The following OSBPL10 variants were observed in gnomAD, a reference collection of about 807,000 sequenced individuals.
OSBPL10 encodes oxysterol binding protein like 10, also known as oxysterol-binding protein-related protein 10.
Under a neutral mutation model 81.7 loss-of-function variants are expected in OSBPL10, and 49 were observed. The ratio of observed to expected loss-of-function variants is 0.60; its 90% CI spans 0.48 to 0.76. The LOEUF is 0.76. Among genes scored for constraint, OSBPL10 ranks in the 30% least tolerant of loss-of-function variants. The pLI is 0.00. For missense variants in OSBPL10, 923 were observed against 987.8 expected, an observed-to-expected ratio of 0.93 and a Z score of 0.88; for synonymous variants, 419 against 383.6, an observed-to-expected ratio of 1.09 and a Z score of -1.08.
rs10529845 is a variant in OSBPL10, at chr3:31,895,134, C to CTTTTTTT, written c.282-15311_282-15305dup. ...GCTGCATATTAGAATTCTCTGCGGC[C>CTTTTTTT]TTTTTTTTTTTTTTTTTTAGACGGA... On this transcript the variant is annotated intron_variant, in intron 1 of 11. Transcript: ENST00000396556. Among the ~76,000 whole-genome samples the CTTTTTTT allele has an allele frequency of 1.8e-4, 22 of 124,894 alleles. 2 individuals are homozygous for CTTTTTTT. The highest frequency in any genetic ancestry group is 5.7e-4 in the African/African-American group (18 of 31,580). The allele number at this position is 124,894 out of a possible 152,430, so 81.9% of individuals were successfully genotyped here.
intron 6 of OSBPL10, among the ~76,000 whole-genome samples, chr3:31,719,694 G>GA (rs1696573827): frequency 6.6e-6 from 1 of 152,044 alleles, no homozygotes; most frequent in Non-Finnish European, 1.5e-5. Flanking sequence ...TTTGTTAACT[G>GA]AATTTCCCTT....
chr3:32,018,610 G>A (rs972643410), intron 2 of OSBPL10, among the ~76,000 whole-genome samples: 1 of 152,178 alleles, frequency 6.6e-6, no homozygotes, highest in Non-Finnish European at 1.5e-5. Flanking sequence ...GGAGGCTGAG[G>A]TGGGAAGATC....
Position 31,837,649 on chromosome 3 carries a change from CAA to C in OSBPL10, c.538-7420_538-7419del, listed in dbSNP as rs10704809. 7.8e-4 allele frequency among the ~76,000 whole-genome samples: 107 copies of C among 136,442 alleles called. 1 individual carries two copies. The highest frequency in any genetic ancestry group is 2.2e-3 in the African/African-American group (81 of 36,306). The allele number at this position is 136,442 out of a possible 152,430, so 89.5% of individuals were successfully genotyped here. On this transcript the variant is annotated intron_variant, in intron 3 of 11. Transcript: ENST00000396556. ...CACTGTAGATGTGACTGTTTTATTT[CAA>C]AAAAAAAAAAAAATCAATGGGTCTC...
At position 31,687,459 on chromosome 3, in the gene OSBPL10, T is replaced by C. The variant is rs558587961; in HGVS notation, c.1246-3345A>G. ...AGTCAGCATTTCTGAATTCAAAAGC[T>C]GAAGGATTTAAAAAAAAAAATAAGT... On this transcript the variant is annotated intron_variant, in intron 7 of 11. Transcript: ENST00000396556. Among the ~76,000 whole-genome samples the C allele has an allele frequency of 2.0e-5, 3 of 147,720 alleles. No homozygotes were observed. The East Asian group carries it at 5.8e-4, about 29-fold the overall frequency.
At chr3:31,978,448 T>G (rs971468084) in intron 1 of OSBPL10, among the ~76,000 whole-genome samples, 4 of 152,226 alleles carry the variant, frequency 2.6e-5, no homozygotes, top group Non-Finnish European at 5.9e-5. Context: ...TTTCAAAGTT[T>G]CTATTTTTAT....
At chr3:31,948,862 A>C (rs1389834816) in intron 1 of OSBPL10, among the ~76,000 whole-genome samples, 3 of 152,226 alleles carry the variant, frequency 2.0e-5, no homozygotes, top group Non-Finnish European at 4.4e-5. Flanking sequence ...CCCACCATCC[A>C]TGATGGAGTT....
chr3:31,758,051 A>AT (rs1353371047), intron 4 of OSBPL10, among the ~76,000 whole-genome samples: 1 of 152,194 alleles, frequency 6.6e-6, no homozygotes, highest in African/African-American at 2.4e-5. Flanking sequence ...TGGAGAAGGC[A>AT]CAAACTTAAA....
At chr3:31,875,656 C>T (rs1701451994) in intron 3 of OSBPL10, among the ~76,000 whole-genome samples, 1 of 151,634 alleles carries the variant, frequency 6.6e-6, no homozygotes, top group Admixed American at 6.6e-5. Flanking sequence ...ATGGCCCTGA[C>T]CCAGAAAGCA....
chr3:32,071,748 T>C (rs4955134), intron 1 of OSBPL10, among the ~76,000 whole-genome samples: 75,374 of 140,498 alleles, frequency 0.54, 16,117 homozygotes, highest in East Asian at 0.82. Flanking sequence ...CCTTCAGCTG[T>C]ACTCACTCTT....
intron 3 of OSBPL10, among the ~76,000 whole-genome samples, chr3:31,871,539 T>C (rs1000451561): frequency 5.3e-5 from 8 of 152,164 alleles, no homozygotes; most frequent in African/African-American, 1.9e-4. Flanking sequence ...ACACCACTTT[T>C]CCTATCCTAG....
At chr3:31,687,893 AAATAATAATAAT>A (rs34327662) in intron 7 of OSBPL10, among the ~76,000 whole-genome samples, 1,660 of 143,858 alleles carry the variant, frequency 0.012, 38 homozygotes, top group African/African-American at 0.04. Context: ...CCATCACTAC[AAATAATAATAAT>A]AATAATAATA....
chr3:31,924,020 C>T (rs1696993629), intron 1 of OSBPL10, among the ~76,000 whole-genome samples: 1 of 151,932 alleles, frequency 6.6e-6, no homozygotes, highest in African/African-American at 2.4e-5. Context: ...AGTTCAAGAC[C>T]AGCCTGGCCA....
chr3:31,888,436 A>C (rs555160340), intron 1 of OSBPL10, among the ~76,000 whole-genome samples: 1 of 152,358 alleles, frequency 6.6e-6, no homozygotes, highest in African/African-American at 2.4e-5. Context: ...GTGAGACCTC[A>C]AAAGCACAGG....
chr3:32,023,386 C>T (rs536072204), intron 2 of OSBPL10, among the ~76,000 whole-genome samples: 3 of 152,220 alleles, frequency 2.0e-5, no homozygotes, highest in East Asian at 1.9e-4. Context: ...CTTTATCTTC[C>T]GCCACAATTG....
At chr3:31,670,746 C>A in intron 9 of OSBPL10, 51 bp downstream of exon 9, 1 of 1,530,290 alleles carries the variant, frequency 6.5e-7, no homozygotes, top group Non-Finnish European at 8.9e-7. Context: ...TGAAAGGAAA[C>A]TCAGGGCATC....
chr3:31,959,418 C>T (rs556880244), intron 1 of OSBPL10, among the ~76,000 whole-genome samples: 52 of 152,114 alleles, frequency 3.4e-4, no homozygotes, highest in Non-Finnish European at 6.3e-4. Flanking sequence ...TGCTATATAT[C>T]AGAGGAAATT....
At chr3:31,708,641 G>C (rs747095533) in intron 6 of OSBPL10, 1 of 840,350 alleles carries the variant, frequency 1.2e-6, no homozygotes, top group Non-Finnish European at 1.4e-6. Flanking sequence ...CTTGGAAAAA[G>C]TATCTCCCCT....
chr3:31,787,526 T>TGGAGGTTGCAGTGAGCC (rs1426109126), intron 4 of OSBPL10, among the ~76,000 whole-genome samples: 3 of 147,848 alleles, frequency 2.0e-5, no homozygotes, highest in Non-Finnish European at 4.5e-5. Flanking sequence ...ACCCGGGAGC[T>TGGAGGTTGCAGTGAGCC]GGAGGTTGCA....
chr3:31,732,386 C>T (rs538475553), intron 6 of OSBPL10, among the ~76,000 whole-genome samples: 3 of 152,320 alleles, frequency 2.0e-5, no homozygotes, highest in African/African-American at 7.2e-5. Context: ...ATCAAAGACA[C>T]TGCCTTGGGG....
Sources: allele counts gnomAD v4.1 joint callset (sites outside exome capture counted in the v4.1 genomes callset), GRCh38; gene constraint gnomAD v4.1.1; transcripts MANE v1.5; gene names NCBI Gene and HGNC (gene_info 2026-07-23, HGNC 2026-07-21).